The following SOX5 variants were observed in gnomAD, a reference collection of about 807,000 sequenced individuals.
The protein encoded by SOX5 is SRY-box transcription factor 5.
SOX5 carries 9 observed loss-of-function variants against 92.0 expected under a neutral mutation model. The ratio of observed to expected loss-of-function variants is 0.10; its 90% CI spans 0.06 to 0.17. The LOEUF is 0.17. SOX5 is among the 10% of genes least tolerant of loss of function. The pLI is 1.00. For synonymous variants in SOX5, 344 were observed against 336.3 expected (o/e 1.02, Z -0.25); for missense variants, 642 against 944.5 (o/e 0.68, Z 4.20).
chr12:23,579,884 C>T (rs1051372278), intron 9 of SOX5, among the ~76,000 whole-genome samples: 7 of 152,026 alleles, frequency 4.6e-5, no homozygotes, highest in Non-Finnish European at 1.0e-4. Context: ...GTGAGCAAAG[C>T]AATTTCCTGT....
intron 8 of SOX5, chr12:23,632,248 T>A (rs1338894244): frequency 6.6e-6 from 1 of 152,118 alleles, no homozygotes; most frequent in African/African-American, 2.4e-5. Context: ...TCTTTTAACC[T>A]GCAAGAAAAC....
intron 4 of SOX5, among the ~76,000 whole-genome samples, chr12:23,995,882 G>C (rs1483621417): frequency 6.6e-6 from 1 of 152,076 alleles, no homozygotes; most frequent in Non-Finnish European, 1.5e-5. Context: ...AACCTCTAAT[G>C]GAATAAAGAC....
At chr12:23,792,041 G>T (rs1451824852) in intron 3 of SOX5, among the ~76,000 whole-genome samples, 1 of 151,716 alleles carries the variant, frequency 6.6e-6, no homozygotes, top group Admixed American at 6.6e-5. Context: ...TTATTAATCA[G>T]GGAAGATTTT....
At chr12:24,084,760 CA>C (rs1320090316) in intron 4 of SOX5, among the ~76,000 whole-genome samples, 1 of 152,012 alleles carries the variant, frequency 6.6e-6, no homozygotes, top group Non-Finnish European at 1.5e-5. Context: ...AGTGTAAACC[CA>C]AAAGGCATAA....
intron 4 of SOX5, among the ~76,000 whole-genome samples, chr12:24,103,833 G>C (rs1258292922): frequency 2.6e-5 from 4 of 152,136 alleles, no homozygotes; most frequent in Non-Finnish European, 5.9e-5. Context: ...ATGGAGACGT[G>C]AGTTTAGTGT....
At chr12:23,886,960 G>A (rs1595382775) in intron 2 of SOX5, among the ~76,000 whole-genome samples, 3 of 151,976 alleles carry the variant, frequency 2.0e-5, no homozygotes, top group Non-Finnish European at 2.9e-5. Flanking sequence ...AGCTAAGTAC[G>A]GGCACTGAAA....
chr12:23,988,394 T>G (rs1376204073), intron 4 of SOX5, among the ~76,000 whole-genome samples: 1 of 152,164 alleles, frequency 6.6e-6, no homozygotes, highest in Non-Finnish European at 1.5e-5. Context: ...GAAGAGCCCA[T>G]GGGCCCTGGC....
intron 2 of SOX5, among the ~76,000 whole-genome samples, chr12:23,874,142 A>G (rs546146497): frequency 4.6e-5 from 7 of 152,368 alleles, no homozygotes; most frequent in Non-Finnish European, 8.8e-5. Flanking sequence ...GAAAAGGGAA[A>G]GATGGGAATC....
At chr12:24,379,742 C>T (rs1026542334) in intron 1 of SOX5, among the ~76,000 whole-genome samples, 1 of 152,018 alleles carries the variant, frequency 6.6e-6, no homozygotes, top group Non-Finnish European at 1.5e-5. Context: ...GTCCTTTCCC[C>T]TCCTTGGTTA....
chr12:24,138,122 T>C (rs912441846), intron 4 of SOX5, among the ~76,000 whole-genome samples: 1 of 152,244 alleles, frequency 6.6e-6, no homozygotes, highest in East Asian at 1.9e-4. Flanking sequence ...TTGTATTTCA[T>C]TCTTAAACAT....
At chr12:23,663,599 C>T (rs1186933858) in intron 7 of SOX5, among the ~76,000 whole-genome samples, 3 of 151,990 alleles carry the variant, frequency 2.0e-5, no homozygotes, top group Non-Finnish European at 4.4e-5. Flanking sequence ...ATTACAGATG[C>T]AGTCAAAGGC....
intron 6 of SOX5, among the ~76,000 whole-genome samples, chr12:23,694,758 AG>A (rs2089506410): frequency 6.6e-6 from 1 of 151,512 alleles, no homozygotes; most frequent in Non-Finnish European, 1.5e-5. Context: ...CATTTTATAA[AG>A]GCAAATGGAA....
intron 3 of SOX5, chr12:24,227,967 A>G (rs987767341): frequency 2.0e-5 from 3 of 152,220 alleles, no homozygotes; most frequent in African/African-American, 7.2e-5. Flanking sequence ...TACAAAACTT[A>G]TTTCATGTTT....
intron 1 of SOX5, among the ~76,000 whole-genome samples, chr12:24,437,161 C>A (rs1016925441): frequency 1.3e-5 from 2 of 151,148 alleles, no homozygotes; most frequent in Non-Finnish European, 2.9e-5. Flanking sequence ...GCAGATCAAG[C>A]AGTAATTTTG....
At position 23,727,202 on chromosome 12, in the gene SOX5, C is replaced by T. The variant is rs1027274086; in HGVS notation, c.810+7482G>A. 2.1e-4 allele frequency among the ~76,000 whole-genome samples: 32 copies of T among 152,044 alleles called. No individual in the cohort carries two copies. In the South Asian group the frequency reaches 2.3e-3, roughly 11 times the overall value. The stretch of plus-strand genomic sequence containing the variant: ...CTTCTAAACATTGTTATCAACATCA[C>T]GTCAATATAGTAATCAGCTTAGAGC... On this transcript the variant is annotated intron_variant, in intron 6 of 14. Coordinates refer to ENST00000451604, the MANE Select transcript of SOX5 (RefSeq NM_006940.6).
At chr12:23,578,245 G>A (rs1425022711) in intron 9 of SOX5, among the ~76,000 whole-genome samples, 1 of 148,082 alleles carries the variant, frequency 6.8e-6, no homozygotes, top group East Asian at 2.0e-4. Context: ...CAGCAATATG[G>A]AAGTATTGTG....
intron 9 of SOX5, among the ~76,000 whole-genome samples, chr12:23,578,045 C>T (rs1042940420): frequency 2.9e-5 from 4 of 136,166 alleles, no homozygotes; most frequent in Admixed American, 8.4e-5. Context: ...CACCTGAACC[C>T]GGGAGGCGGA....
intron 6 of SOX5, among the ~76,000 whole-genome samples, chr12:23,725,872 C>T (rs550088050): frequency 9.9e-5 from 15 of 152,034 alleles, no homozygotes; most frequent in Non-Finnish European, 2.1e-4. Flanking sequence ...TGGGAGTGAT[C>T]AAAATTTTCA....
At chr12:23,885,883 CAA>C (rs34898602) in intron 2 of SOX5, among the ~76,000 whole-genome samples, 9,126 of 142,938 alleles carry the variant, frequency 0.064, 330 homozygotes, top group African/African-American at 0.084. Context: ...AAGAAAATGG[CAA>C]AAAAAAAAAA....
Sources: allele counts gnomAD v4.1 joint callset (sites outside exome capture counted in the v4.1 genomes callset), GRCh38; gene constraint gnomAD v4.1.1; transcripts MANE v1.5; gene names NCBI Gene and HGNC (gene_info 2026-07-23, HGNC 2026-07-21).